The following FANCD2OS variants were observed in gnomAD, a reference collection of about 807,000 sequenced individuals.
The protein encoded by FANCD2OS is FANCD2 opposite strand protein.
In FANCD2OS, 11 loss-of-function variants were observed where a neutral mutation model predicts 13.2. That is an observed-to-expected ratio of 0.83 (90% CI 0.52 to 1.38). The LOEUF is 1.38. FANCD2OS is among the 40% of genes most tolerant of loss of function. The probability of loss-of-function intolerance (pLI) is 0.00; values close to 1 mark genes in which losing one functional copy is unlikely to be tolerated. For synonymous variants in FANCD2OS, 69 were observed against 84.5 expected (o/e 0.82, Z 1.01); for missense variants, 217 against 213.9 (o/e 1.01, Z -0.09).
At chr3:10,087,798 A>C (rs906404990) in intron 2 of FANCD2OS, among the ~76,000 whole-genome samples, 4 of 151,946 alleles carry the variant, frequency 2.6e-5, no homozygotes, top group Non-Finnish European at 5.9e-5. Context: ...ACAGGTGCGC[A>C]CCACCGTGCC....
At position 10,093,780 on chromosome 3, in the gene FANCD2OS, A is replaced by G. The variant is rs1303350693; in HGVS notation, c.*43+10418T>C. On this transcript the variant is annotated intron_variant, in intron 2 of 2. Coordinates refer to the FANCD2OS transcript ENST00000524279. ...AGTCCAGTCAGAATGTTATGGGGAG[A>G]ATGCTACTTCGCCACTCCTCAAGTT... Among the ~76,000 whole-genome samples, 4 of 152,158 alleles carry G rather than the reference A, an allele frequency of 2.6e-5. No individual in the cohort carries two copies. In the East Asian group the frequency reaches 7.7e-4, roughly 29 times the overall value.
intron 1 of FANCD2OS, among the ~76,000 whole-genome samples, chr3:10,107,513 C>G (rs1196240415): frequency 6.6e-6 from 1 of 151,914 alleles, no homozygotes; most frequent in Admixed American, 6.6e-5. Flanking sequence ...GTCTCGATCT[C>G]CTGACCTCGT....
downstream of FANCD2OS, chr3:10,101,377 CT>C (rs950337384): frequency 0.16 from 61,874 of 380,796 alleles, 1,216 homozygotes; most frequent in African/African-American, 0.29. Flanking sequence ...TTTTGTTCCT[CT>C]TTTTTTTTTT....
intron 2 of FANCD2OS, among the ~76,000 whole-genome samples, chr3:10,086,901 A>G (rs1236829629): frequency 6.6e-6 from 1 of 152,126 alleles, no homozygotes; most frequent in East Asian, 1.9e-4. Context: ...TGACCCCTTC[A>G]AGGCCAACAT....
At chr3:10,081,791 C>G (rs1430763818) in intron 2 of FANCD2OS, among the ~76,000 whole-genome samples, 1 of 152,080 alleles carries the variant, frequency 6.6e-6, no homozygotes, top group Non-Finnish European at 1.5e-5. Flanking sequence ...ACACTGTGAG[C>G]TGGGCTATTC....
At chr3:10,088,566 T>C (rs748781422) in intron 2 of FANCD2OS, 2 of 1,478,142 alleles carry the variant, frequency 1.4e-6, no homozygotes, top group East Asian at 4.5e-5. Flanking sequence ...TTTCTTCCAA[T>C]GAGCCAAATA....
At chr3:10,093,109 A>G (rs34131370) in intron 2 of FANCD2OS, among the ~76,000 whole-genome samples, 1,827 of 152,246 alleles carry the variant, frequency 0.012, 47 homozygotes, top group African/African-American at 0.04. Flanking sequence ...CCTTTTCTTG[A>G]ACTTCAGTTG....
intron 2 of FANCD2OS, among the ~76,000 whole-genome samples, chr3:10,091,477 G>GA (rs1018395681): frequency 1.8e-4 from 26 of 142,426 alleles, no homozygotes; most frequent in South Asian, 4.5e-4. Flanking sequence ...GTCTCAAAAA[G>GA]AAAAAAAAAA....
chr3:10,101,522 A>T (rs1695300415), downstream of FANCD2OS: 1 of 455,636 alleles, frequency 2.2e-6, no homozygotes, highest in African/African-American at 2.0e-5. Context: ...AGTAGCTGGG[A>T]CGACAGGCAC....
downstream of FANCD2OS, chr3:10,099,675 T>TGGTG (rs1695189691): frequency 6.5e-6 from 1 of 153,216 alleles, no homozygotes; most frequent in South Asian, 2.1e-4. Context: ...GGAGAATCAC[T>TGGTG]TGAACCTGGG....
intron 2 of FANCD2OS, chr3:10,083,487 T>G (rs1019434836): frequency 6.6e-6 from 1 of 152,126 alleles, no homozygotes; most frequent in Non-Finnish European, 1.5e-5. Context: ...TTTACAATGG[T>G]ACATCCATAT....
At chr3:10,107,439 C>A (rs1184919499) in intron 1 of FANCD2OS, among the ~76,000 whole-genome samples, 1 of 152,002 alleles carries the variant, frequency 6.6e-6, no homozygotes, top group Non-Finnish European at 1.5e-5. Flanking sequence ...GCGCCTGCCA[C>A]CACGCCCGGC....
chr3:10,084,228 G>A (rs891348619), intron 2 of FANCD2OS, among the ~76,000 whole-genome samples: 20 of 151,246 alleles, frequency 1.3e-4, no homozygotes, highest in African/African-American at 4.1e-4. Context: ...TCCTGACCCC[G>A]TGATCTACCC....
chr3:10,100,677 C>T (rs1198119695), downstream of FANCD2OS, among the ~76,000 whole-genome samples: 1 of 152,168 alleles, frequency 6.6e-6, no homozygotes, highest in African/African-American at 2.4e-5. Context: ...CACTGCCATA[C>T]CACCACTTGT....
At chr3:10,086,217 G>A (rs1694191429) in intron 2 of FANCD2OS, among the ~76,000 whole-genome samples, 1 of 152,138 alleles carries the variant, frequency 6.6e-6, no homozygotes, top group South Asian at 2.1e-4. Context: ...ATTATCCAGG[G>A]ACCTACTGTC....
At chr3:10,091,370 T>A (rs1053589651) in intron 2 of FANCD2OS, among the ~76,000 whole-genome samples, 10 of 150,420 alleles carry the variant, frequency 6.6e-5, no homozygotes, top group African/African-American at 2.4e-4. Context: ...CATAAACCAC[T>A]GCACCTGGCA....
In FANCD2OS at chr3:10,081,391, A is replaced by G. The variant is rs2125060028; in HGVS notation, c.*184T>C. ...CGGTGTAGTTGATGGACCAGGAGTG[A>G]AAGTTCAGGAGTACCACATAATGTC... On this transcript the variant is annotated 3_prime_UTR_variant, in exon 3 of 3. Transcript: ENST00000524279. 2 of 1,614,126 alleles carry G rather than the reference A, an allele frequency of 1.2e-6. No individual in the cohort carries two copies. Among genetic ancestry groups the G allele is most frequent in the South Asian group, 2.2e-5 (2 of 91,086 alleles).
intron 2 of FANCD2OS, among the ~76,000 whole-genome samples, chr3:10,097,613 G>T (rs1440834218): frequency 1.3e-5 from 2 of 152,148 alleles, no homozygotes; most frequent in African/African-American, 2.4e-5. Context: ...TTTTCAGGGT[G>T]CCCACATTTC....
At chr3:10,101,321 TAG>T (rs1283592497), downstream of FANCD2OS, 2 of 1,303,938 alleles carry the variant, frequency 1.5e-6, no homozygotes, top group Admixed American at 1.7e-5. Flanking sequence ...CATTTTGTGT[TAG>T]AGTTTGAAAT....
Sources: allele counts gnomAD v4.1 joint callset (sites outside exome capture counted in the v4.1 genomes callset), GRCh38; gene constraint gnomAD v4.1.1; transcripts MANE v1.5; gene names NCBI Gene and HGNC (gene_info 2026-07-23, HGNC 2026-07-21).